Variants in ASIC2 observed in about 807,000 individuals in gnomAD.
ASIC2 encodes the protein acid sensing ion channel subunit 2.
ASIC2 carries 25 observed loss-of-function variants against 57.3 expected under a neutral mutation model. That is an observed-to-expected ratio of 0.44 (90% CI 0.32 to 0.61). ASIC2 has a LOEUF of 0.61. ASIC2 is among the 20% of genes least tolerant of loss of function. The probability of loss-of-function intolerance (pLI) is 0.06; values close to 1 mark genes in which losing one functional copy is unlikely to be tolerated. For synonymous variants in ASIC2, 319 were observed against 307.5 expected (o/e 1.04, Z -0.39); for missense variants, 641 against 738.1 (o/e 0.87, Z 1.52).
At chr17:33,801,732 G>A (rs942152688) in intron 1 of ASIC2, among the ~76,000 whole-genome samples, 8 of 152,150 alleles carry the variant, frequency 5.3e-5, no homozygotes, top group African/African-American at 1.9e-4. Context: ...TGTCCAATAT[G>A]ATAGCACCTG....
intron 1 of ASIC2, among the ~76,000 whole-genome samples, chr17:33,911,913 G>C (rs1488416081): frequency 6.6e-6 from 1 of 152,038 alleles, no homozygotes; most frequent in African/African-American, 2.4e-5. Flanking sequence ...GGCCGAGGTG[G>C]GCAGATCACC....
At chr17:34,131,724 C>T (rs1349210015) in intron 1 of ASIC2, among the ~76,000 whole-genome samples, 1 of 152,256 alleles carries the variant, frequency 6.6e-6, no homozygotes, top group Non-Finnish European at 1.5e-5. Context: ...TGTGGCTCTG[C>T]GTGCCTTTCC....
chr17:34,139,108 T>A (rs766866954), intron 1 of ASIC2, among the ~76,000 whole-genome samples: 1 of 152,206 alleles, frequency 6.6e-6, no homozygotes, highest in Non-Finnish European at 1.5e-5. Flanking sequence ...TTTAAAGGTA[T>A]TGTGGTGTCA....
intron 3 of ASIC2, among the ~76,000 whole-genome samples, chr17:33,058,779 C>T (rs192473950): frequency 9.9e-5 from 15 of 151,972 alleles, no homozygotes; most frequent in Admixed American, 2.0e-4. Flanking sequence ...CAGAAACCAG[C>T]GTAAGGAAAG....
At chr17:33,791,091 G>A (rs912103037) in intron 1 of ASIC2, among the ~76,000 whole-genome samples, 13 of 152,164 alleles carry the variant, frequency 8.5e-5, no homozygotes, top group African/African-American at 1.2e-4. Context: ...CTCATGCTAC[G>A]TGAGGGAAAC....
chr17:33,942,744 G>C (rs1916219968), intron 1 of ASIC2, among the ~76,000 whole-genome samples: 1 of 152,154 alleles, frequency 6.6e-6, no homozygotes, highest in Non-Finnish European at 1.5e-5. Context: ...CTAAGACATG[G>C]TTTAAGTTGA....
chr17:33,962,567 T>G lies in ASIC2; in HGVS notation c.555+193411A>C, dbSNP rs565223363. Among the ~76,000 whole-genome samples, 305 of 152,276 alleles carry G rather than the reference T, an allele frequency of 2.0e-3. 1 individual carries two copies. The highest frequency in any genetic ancestry group is 3.9e-3 in the Non-Finnish European group (265 of 68,018). ...GTAGAATGTGGGATGTCTCTTCTGT[T>G]ATCATTTCGGGTCAGGAATGAAGTG... On this transcript the variant is annotated intron_variant, in intron 1 of 9. Transcript: ENST00000359872.
intron 1 of ASIC2, among the ~76,000 whole-genome samples, chr17:33,959,946 C>T (rs532883230): frequency 5.4e-4 from 83 of 152,348 alleles, no homozygotes; most frequent in African/African-American, 1.9e-3. Context: ...CCCAATGTCT[C>T]CTTTTTGTGG....
At chr17:33,089,069 G>C in intron 2 of ASIC2, 79 bp from the exon 3 acceptor site, 1 of 1,573,928 alleles carries the variant, frequency 6.4e-7, no homozygotes, top group Non-Finnish European at 8.6e-7. Context: ...AAAGCTCAAA[G>C]GGATGCTGAA....
chr17:33,256,133 C>CA (rs907347626), intron 1 of ASIC2, among the ~76,000 whole-genome samples: 9 of 151,964 alleles, frequency 5.9e-5, no homozygotes, highest in African/African-American at 1.2e-4. Context: ...TGCATGTGTA[C>CA]AAAAAATCAT....
intron 1 of ASIC2, among the ~76,000 whole-genome samples, chr17:33,912,917 T>C (rs1446055572): frequency 6.6e-6 from 1 of 151,850 alleles, no homozygotes; most frequent in Non-Finnish European, 1.5e-5. Context: ...AGGCAGAGGT[T>C]GCAGTGAGCC....
intron 1 of ASIC2, among the ~76,000 whole-genome samples, chr17:33,764,927 G>A (rs1298250070): frequency 6.6e-6 from 1 of 152,000 alleles, no homozygotes; most frequent in Non-Finnish European, 1.5e-5. Context: ...TTCTGCTCAT[G>A]GACCATCAGC....
intron 1 of ASIC2, among the ~76,000 whole-genome samples, chr17:34,150,461 C>T (rs2142143429): frequency 6.6e-6 from 1 of 152,116 alleles, no homozygotes; most frequent in South Asian, 2.1e-4. Context: ...TTTGATTTAG[C>T]CACTCCACAA....
chr17:33,142,578 C>A (rs535004585), intron 1 of ASIC2, among the ~76,000 whole-genome samples: 42 of 152,290 alleles, frequency 2.8e-4, no homozygotes, highest in African/African-American at 9.6e-4. Flanking sequence ...GAAGACAGAG[C>A]ACAGAAAGCA....
At chr17:33,351,502 C>T (rs1567832077) in intron 1 of ASIC2, among the ~76,000 whole-genome samples, 1 of 152,188 alleles carries the variant, frequency 6.6e-6, no homozygotes, top group Non-Finnish European at 1.5e-5. Context: ...TCCCTATTTA[C>T]ACAGCCCCCA....
intron 1 of ASIC2, among the ~76,000 whole-genome samples, chr17:33,880,582 C>A (rs1172562988): frequency 4.6e-5 from 7 of 152,108 alleles, no homozygotes; most frequent in Non-Finnish European, 1.0e-4. Context: ...CTGAATAGAC[C>A]AATAACAGGC....
chr17:34,007,983 G>T (rs892485801), intron 1 of ASIC2, among the ~76,000 whole-genome samples: 13 of 152,230 alleles, frequency 8.5e-5, no homozygotes, highest in African/African-American at 2.9e-4. Flanking sequence ...CAATCACTCA[G>T]TTTCTTTGAG....
At chr17:33,645,865 G>A (rs1349034412) in intron 1 of ASIC2, among the ~76,000 whole-genome samples, 1 of 152,122 alleles carries the variant, frequency 6.6e-6, no homozygotes, top group East Asian at 1.9e-4. Flanking sequence ...ATTTTATAGT[G>A]TGTCTAGTAC....
chr17:34,045,290 T>C (rs1190375739), intron 1 of ASIC2, among the ~76,000 whole-genome samples: 2 of 152,170 alleles, frequency 1.3e-5, no homozygotes, highest in African/African-American at 4.8e-5. Context: ...ACTAAAATAC[T>C]ACCCATGGGC....
Sources: gnomAD v4.1 joint callset for allele counts (sites outside exome capture counted in the v4.1 genomes callset) on GRCh38, gnomAD v4.1.1 for gene constraint, MANE v1.5 for transcripts, NCBI Gene and HGNC (gene_info 2026-07-23, HGNC 2026-07-21) for gene names.